Variants in IFT88 observed in about 807,000 individuals in gnomAD.
IFT88 encodes intraflagellar transport 88.
A neutral mutation model predicts 119.5 loss-of-function variants in IFT88; 74 were observed. The ratio of observed to expected loss-of-function variants is 0.62; its 90% CI spans 0.51 to 0.75. The LOEUF (loss-of-function observed/expected upper bound fraction) is 0.75. Among genes scored for constraint, IFT88 ranks in the 30% least tolerant of loss-of-function variants. IFT88 has a pLI of 0.00. For synonymous variants in IFT88, 279 were observed against 316.7 expected (o/e 0.88, Z 1.26); for missense variants, 961 against 977.7 (o/e 0.98, Z 0.23).
chr13:20,604,935 A>C (rs558617318), intron 12 of IFT88, 100 bp from the exon 13 acceptor site: 2 of 571,806 alleles, frequency 3.5e-6, no homozygotes, highest in East Asian at 6.7e-5. Context: ...CAGCCTGGGC[A>C]ATAGAGTGAG....
chr13:20,577,687 C>T (rs984799806), intron 2 of IFT88, among the ~76,000 whole-genome samples: 1 of 152,168 alleles, frequency 6.6e-6, no homozygotes, highest in Admixed American at 6.5e-5. Flanking sequence ...ACCATCCTTG[C>T]ATCCCTGGGC....
intron 24 of IFT88, 115 bp from the exon 25 acceptor site, chr13:20,690,590 C>G: frequency 4.6e-6 from 3 of 658,514 alleles, no homozygotes; most frequent in Non-Finnish European, 8.1e-6. Flanking sequence ...AAGCTGGCTT[C>G]CAAATTAAAC....
intron 2 of IFT88, among the ~76,000 whole-genome samples, chr13:20,582,584 G>A (rs748271476): frequency 6.6e-6 from 1 of 152,068 alleles, no homozygotes; most frequent in African/African-American, 2.4e-5. Context: ...CAGGGGGATG[G>A]TGGGGAGAGA....
intron 13 of IFT88, among the ~76,000 whole-genome samples, chr13:20,606,811 G>A (rs560292459): frequency 1.1e-4 from 17 of 152,238 alleles, no homozygotes; most frequent in East Asian, 9.6e-4. Flanking sequence ...CCCAGGAGGC[G>A]GAGGTTGCAG....
chr13:20,583,267 T>G (rs2039050689), intron 3 of IFT88, among the ~76,000 whole-genome samples: 1 of 152,200 alleles, frequency 6.6e-6, no homozygotes, highest in African/African-American at 2.4e-5. Context: ...TACTTTCTAT[T>G]TCTATGAATT....
intron 24 of IFT88, among the ~76,000 whole-genome samples, chr13:20,674,724 A>T (rs7984491): frequency 0.18 from 13,070 of 73,476 alleles, 1,659 homozygotes; most frequent in African/African-American, 0.4. Context: ...ATATATATAT[A>T]TTTTTTTTTT....
intron 13 of IFT88, among the ~76,000 whole-genome samples, chr13:20,605,634 A>G (rs1006836696): frequency 7.9e-5 from 12 of 152,100 alleles, no homozygotes; most frequent in Non-Finnish European, 1.0e-4. Context: ...ATCTCCCTGG[A>G]CACCAAGGGC....
rs148500228 is a variant in IFT88 at position 20,669,712 on chromosome 13, C to A, written c.2176-1261C>A. ...GTGCTAGGATTACAGGCGTGAGCCA[C>A]CACACCGGGCCTATTTTCAGCATTT... On this transcript the variant is annotated intron_variant, in intron 23 of 25. Coordinates refer to ENST00000351808, the MANE Select transcript of IFT88 (RefSeq NM_006531.5). Among the ~76,000 whole-genome samples, 1,485 of 152,248 alleles carry A rather than the reference C, an allele frequency of 9.8e-3. 25 individuals carry two copies. Among genetic ancestry groups the A allele is most frequent in the African/African-American group, 0.034 (1,393 of 41,554 alleles).
At chr13:20,638,157 A>C (rs1404626305) in intron 16 of IFT88, among the ~76,000 whole-genome samples, 175 bp from the exon 17 acceptor site, 1 of 152,254 alleles carries the variant, frequency 6.6e-6, no homozygotes, top group African/African-American at 2.4e-5. Flanking sequence ...TGGGTGGTTC[A>C]GCCTGATAAG....
In IFT88 at chr13:20,685,711, C is replaced by T. The variant is rs149143037; in HGVS notation, c.2243-4994C>T. 3.0e-3 allele frequency among the ~76,000 whole-genome samples: 464 copies of T among 152,202 alleles called. 1 individual carries two copies. Among genetic ancestry groups the T allele is most frequent in the African/African-American group, 0.011 (451 of 41,520 alleles). ...CCTAGCCAACATGGTGAGACCCTGA[C>T]TCTACTAAAAATACAGAAATTAACC... On this transcript the variant is annotated intron_variant, in intron 24 of 25. Coordinates refer to ENST00000351808, the MANE Select transcript of IFT88 (RefSeq NM_006531.5).
rs758596314 is a variant in IFT88, at chr13:20,630,987, G to A, written c.1300-29G>A. ...GCTTGAGTACTGTCATATTACAGTG[G>A]TAGTAACCTTCAGATATTCCATTTC... On this transcript the variant is annotated intron_variant, in intron 15 of 25. Coordinates refer to ENST00000351808, the MANE Select transcript of IFT88 (RefSeq NM_006531.5). 4 of 1,207,326 alleles carry A rather than the reference G, an allele frequency of 3.3e-6. No individual in the cohort carries two copies. The East Asian group carries it at 1.0e-4, about 32-fold the overall frequency. The allele number at this position is 1,207,326 out of a possible 1,614,324, so 74.8% of individuals were successfully genotyped here.
intron 11 of IFT88, among the ~76,000 whole-genome samples, chr13:20,600,162 G>T (rs907757709): frequency 4.6e-5 from 7 of 151,864 alleles, no homozygotes; most frequent in Non-Finnish European, 1.0e-4. Flanking sequence ...AAGATCATTC[G>T]TTTTTGAATT....
intron 19 of IFT88, 113 bp from the exon 20 acceptor site, chr13:20,644,730 C>G (rs1171020636): frequency 1.8e-6 from 1 of 571,204 alleles, no homozygotes; most frequent in Non-Finnish European, 3.1e-6. Flanking sequence ...GTTCATACTC[C>G]TTTATTAAGA....
At chr13:20,623,545 G>A (rs2139891088) in intron 14 of IFT88, among the ~76,000 whole-genome samples, 1 of 152,240 alleles carries the variant, frequency 6.6e-6, no homozygotes, top group African/African-American at 2.4e-5. Flanking sequence ...CGTGATCTCG[G>A]CTCACTGCAA....
chr13:20,617,176 T>C (rs1370168144), intron 14 of IFT88, among the ~76,000 whole-genome samples: 1 of 152,114 alleles, frequency 6.6e-6, no homozygotes, highest in Non-Finnish European at 1.5e-5. Context: ...CTATTACATA[T>C]GATACAGTTG....
chr13:20,601,952 T>C lies in IFT88; in HGVS notation c.1041+19T>C, dbSNP rs767074227. 14 of 1,358,712 alleles carry C rather than the reference T, an allele frequency of 1.0e-5. No individual in the cohort carries two copies. The highest frequency in any genetic ancestry group is 1.4e-5 in the African/African-American group (1 of 69,504). The allele number at this position is 1,358,712 out of a possible 1,614,324, so 84.2% of individuals were successfully genotyped here. A position where few individuals can be genotyped will look rare whatever the true frequency, so the allele number is the denominator to read the frequency against. On this transcript the variant is annotated intron_variant, in intron 12 of 25. Transcript: ENST00000351808. ...ACCAAGTGTGAGTATGAAAAAGACA[T>C]TTCTGTAGCCACTTCCCACTTATCT...
chr13:20,679,232 C>T lies in IFT88; in HGVS notation c.2242+8193C>T, dbSNP rs112050197. Among the ~76,000 whole-genome samples the T allele has an allele frequency of 4.6e-5, 7 of 152,284 alleles. No homozygotes were observed. The South Asian group carries it at 1.2e-3, about 27-fold the overall frequency. The stretch of plus-strand genomic sequence containing the variant: ...ATCTCCTAGCCACATTACAGTTTGT[C>T]GGAGATCATTGATTTGATTAGCTAG... On this transcript the variant is annotated intron_variant, in intron 24 of 25. Transcript: ENST00000351808.
At chr13:20,617,087 G>A (rs2045748680) in intron 14 of IFT88, among the ~76,000 whole-genome samples, 1 of 152,186 alleles carries the variant, frequency 6.6e-6, no homozygotes, top group East Asian at 1.9e-4. Context: ...GGGACTACAG[G>A]CGCCCGCCAC....
At chr13:20,689,171 A>G (rs2058243721) in intron 24 of IFT88, among the ~76,000 whole-genome samples, 1 of 152,164 alleles carries the variant, frequency 6.6e-6, no homozygotes. Flanking sequence ...TGACCTCGTG[A>G]TCTGCCTGCC....
Sources: allele counts gnomAD v4.1 joint callset (sites outside exome capture counted in the v4.1 genomes callset), GRCh38; gene constraint gnomAD v4.1.1; transcripts MANE v1.5; gene names NCBI Gene and HGNC (gene_info 2026-07-23, HGNC 2026-07-21).